The following SNX29 variants were observed in gnomAD, a reference collection of about 807,000 sequenced individuals.
SNX29 encodes sorting nexin-29.
In SNX29, 78 loss-of-function variants were observed where a neutral mutation model predicts 102.1. The observed-to-expected ratio is 0.76, with a 90% CI of 0.64 to 0.92. The LOEUF is 0.92. Ranked by LOEUF, SNX29 falls within the 40% of genes least tolerant of loss-of-function variation. The probability of loss-of-function intolerance (pLI) is 0.00; values close to 1 mark genes in which losing one functional copy is unlikely to be tolerated. For missense variants in SNX29, 1,280 were observed against 1,061.7 expected, an observed-to-expected ratio of 1.21 and a Z score of -2.86; for synonymous variants, 580 against 414.5, an observed-to-expected ratio of 1.40 and a Z score of -4.85.
intron 11 of SNX29, among the ~76,000 whole-genome samples, chr16:12,080,890 GC>G (rs1408294283): frequency 6.3e-4 from 94 of 150,296 alleles, no homozygotes; most frequent in African/African-American, 2.1e-3. Context: ...CGCCATGTTG[GC>G]CGGGCTGGTC....
At chr16:11,996,333 A>G (rs1487250342) in intron 1 of SNX29, among the ~76,000 whole-genome samples, 1 of 152,170 alleles carries the variant, frequency 6.6e-6, no homozygotes, top group Non-Finnish European at 1.5e-5. Flanking sequence ...GTAGAAAGCT[A>G]TGATTGTGCC....
chr16:12,390,982 G>C (rs2083510113), intron 16 of SNX29, among the ~76,000 whole-genome samples: 1 of 152,128 alleles, frequency 6.6e-6, no homozygotes, highest in African/African-American at 2.4e-5. Context: ...GTCTCACTCT[G>C]TCACCATGGC....
At chr16:12,222,673 ATTC>A (rs1160561681) in intron 14 of SNX29, among the ~76,000 whole-genome samples, 2 of 152,072 alleles carry the variant, frequency 1.3e-5, no homozygotes, top group African/African-American at 4.8e-5. Context: ...GGTTCCAGCA[ATTC>A]TTCTGCCTCA....
rs142253972 is a variant in SNX29, at chr16:12,216,313, T to C, written c.1678+16630T>C. ...AGAAGCATTCTCTGCCTGAAGGGCT[T>C]TGTGACCCCTCCCCTGACCCTTTCC... On this transcript the variant is annotated intron_variant, in intron 14 of 20. Coordinates refer to ENST00000566228, the MANE Select transcript of SNX29 (RefSeq NM_032167.5). 4.2e-3 allele frequency among the ~76,000 whole-genome samples: 646 copies of C among 152,346 alleles called. 6 individuals carry two copies. Among genetic ancestry groups the C allele is most frequent in the African/African-American group, 0.015 (614 of 41,570 alleles).
At chr16:12,369,641 C>G (rs963597719) in intron 16 of SNX29, among the ~76,000 whole-genome samples, 5 of 152,268 alleles carry the variant, frequency 3.3e-5, no homozygotes, top group Middle Eastern at 3.4e-3. Context: ...CTCAGTGCCA[C>G]CTTGTAAATC....
At chr16:12,550,075 A>G (rs1010142797) in intron 20 of SNX29, among the ~76,000 whole-genome samples, 10 of 152,236 alleles carry the variant, frequency 6.6e-5, no homozygotes, top group African/African-American at 2.2e-4. Flanking sequence ...CACCCTTTAT[A>G]GGAAGTTTGC....
At chr16:12,454,759 A>T (rs1364311921) in intron 18 of SNX29, among the ~76,000 whole-genome samples, 1 of 151,884 alleles carries the variant, frequency 6.6e-6, no homozygotes, top group African/African-American at 2.4e-5. Flanking sequence ...TCACCCTGTC[A>T]CCCAGGCTGG....
intron 13 of SNX29, among the ~76,000 whole-genome samples, chr16:12,197,916 C>T (rs143794712): frequency 4.6e-5 from 7 of 151,838 alleles, no homozygotes; most frequent in Admixed American, 1.3e-4. Context: ...GTGCTGTTGC[C>T]GTGGGCTGAG....
chr16:12,051,833 T>G lies in SNX29; in HGVS notation c.749-14T>G, dbSNP rs1363371667. 1.3e-6 allele frequency: 2 copies of G among 1,593,424 alleles called. No homozygotes were observed. Among genetic ancestry groups the G allele is most frequent in the African/African-American group, 2.7e-5 (2 of 73,090 alleles). ...CTTTTTCTTATACTGTATCTTTTTTTTTTTTTTTGCCAGATGCCAAATGCA... is the reference window on the plus strand; with the variant it reads ...CTTTTTCTTATACTGTATCTTTTTTGTTTTTTTTGCCAGATGCCAAATGCA... On this transcript the variant is annotated splice_polypyrimidine_tract_variant and intron_variant, in intron 7 of 20. Transcript: ENST00000566228.
At chr16:12,544,750 G>T (rs529541532) in intron 20 of SNX29, among the ~76,000 whole-genome samples, 1 of 152,308 alleles carries the variant, frequency 6.6e-6, no homozygotes, top group African/African-American at 2.4e-5. Context: ...GAGGTGAAGG[G>T]ACGTGCTCTG....
chr16:12,440,762 G>A (rs1288857567), intron 18 of SNX29, among the ~76,000 whole-genome samples: 1 of 152,144 alleles, frequency 6.6e-6, no homozygotes, highest in Non-Finnish European at 1.5e-5. Flanking sequence ...CCCTGCAAAG[G>A]ACATGATCTC....
intron 16 of SNX29, among the ~76,000 whole-genome samples, chr16:12,369,746 C>T (rs1379286312): frequency 6.6e-6 from 1 of 152,148 alleles, no homozygotes; most frequent in Non-Finnish European, 1.5e-5. Context: ...ACATAATAAC[C>T]ACATGATTAT....
intron 18 of SNX29, among the ~76,000 whole-genome samples, chr16:12,471,764 G>A (rs2087351993): frequency 6.6e-6 from 1 of 152,240 alleles, no homozygotes; most frequent in African/African-American, 2.4e-5. Flanking sequence ...TAAGTTTATG[G>A]TTCAATTAAT....
intron 14 of SNX29, among the ~76,000 whole-genome samples, chr16:12,233,087 CTTCT>C (rs2077818888): frequency 6.6e-6 from 1 of 152,074 alleles, no homozygotes; most frequent in South Asian, 2.1e-4. Context: ...TTGTCTTCAT[CTTCT>C]TTGTCTTCTT....
At chr16:12,446,322 C>T (rs1418682061) in intron 18 of SNX29, among the ~76,000 whole-genome samples, 1 of 152,216 alleles carries the variant, frequency 6.6e-6, no homozygotes, top group Non-Finnish European at 1.5e-5. Flanking sequence ...TCCCAAAGTG[C>T]TGGGATTACA....
At chr16:12,388,155 C>G (rs1380990841) in intron 16 of SNX29, among the ~76,000 whole-genome samples, 3 of 152,162 alleles carry the variant, frequency 2.0e-5, no homozygotes, top group Admixed American at 6.5e-5. Flanking sequence ...GAGATGAGCC[C>G]GAATTCTTTT....
chr16:12,570,154 C>G lies in SNX29; in HGVS notation c.*1525C>G, dbSNP rs2079156224. ...AAGGAAGGCTGAGATCACTCACACA[C>G]AGCGCCCCCCCACCCCAGAGAAACC... On this transcript the variant is annotated 3_prime_UTR_variant, in exon 21 of 21. Transcript: ENST00000566228. 2 of 1,064,760 alleles carry G rather than the reference C, an allele frequency of 1.9e-6. No individual in the cohort carries two copies. Among genetic ancestry groups the G allele is most frequent in the Admixed American group, 5.3e-5 (1 of 18,728 alleles). 66.0% of individuals were successfully genotyped at this position (1,064,760 alleles called of 1,614,324 possible). A position where few individuals can be genotyped will look rare whatever the true frequency, so the allele number is the denominator to read the frequency against.
chr16:12,095,229 C>T (rs752083706), intron 11 of SNX29: 3 of 152,238 alleles, frequency 2.0e-5, no homozygotes, highest in East Asian at 1.9e-4. Context: ...CTCCCTTCAC[C>T]TCCTTTTTAA....
chr16:12,349,362 T>C (rs1436108990), intron 15 of SNX29, among the ~76,000 whole-genome samples: 1 of 152,238 alleles, frequency 6.6e-6, no homozygotes, highest in Non-Finnish European at 1.5e-5. Context: ...CTGTGTCTAG[T>C]GCTAGATCTG....
Sources: gnomAD v4.1 joint callset for allele counts (sites outside exome capture counted in the v4.1 genomes callset) on GRCh38, gnomAD v4.1.1 for gene constraint, MANE v1.5 for transcripts, NCBI Gene and HGNC (gene_info 2026-07-23, HGNC 2026-07-21) for gene names.